The following RASSF1 variants were observed in gnomAD, a reference collection of about 807,000 sequenced individuals.
RASSF1 encodes the protein ras association domain-containing protein 1.
A neutral mutation model predicts 34.3 loss-of-function variants in RASSF1; 33 were observed. That is an observed-to-expected ratio of 0.96 (90% CI 0.73 to 1.29). The LOEUF (loss-of-function observed/expected upper bound fraction) is 1.29. Among genes scored for constraint, RASSF1 ranks in the 50% most tolerant of loss-of-function variants. The probability of loss-of-function intolerance (pLI) is 0.00; values close to 1 mark genes in which losing one functional copy is unlikely to be tolerated. For missense variants in RASSF1, 445 were observed against 471.8 expected, an observed-to-expected ratio of 0.94 and a Z score of 0.53; for synonymous variants, 191 against 195.0, an observed-to-expected ratio of 0.98 and a Z score of 0.17.
At chr3:50,340,018 G>T (rs879214603) in intron 1 of RASSF1, among the ~76,000 whole-genome samples, 1 of 152,204 alleles carries the variant, frequency 6.6e-6, no homozygotes, top group Admixed American at 6.5e-5. Context: ...ATTCCCAGGG[G>T]TGCAGAAGGA....
At position 50,337,218 on chromosome 3, in the gene RASSF1, G is replaced by A. The variant is rs147488817; in HGVS notation, c.357+687C>T. 5.7e-4 allele frequency: 915 copies of A among 1,613,012 alleles called. 4 individuals carry two copies. The African/African-American group carries it at 0.011, about 19-fold the overall frequency. On this transcript the variant is annotated intron_variant, in intron 2 of 5. Coordinates refer to ENST00000359365, the MANE Select transcript of RASSF1 (RefSeq NM_007182.5). ...GAGCTAGCGAGGTTCGCGCGGTGAA[G>A]TACTGCTCGAGCTCCGAGTCCGAGT...
chr3:50,337,025 C>T, intron 2 of RASSF1: 4 of 1,131,428 alleles, frequency 3.5e-6, no homozygotes, highest in Non-Finnish European at 4.8e-6. Context: ...CACGGTTCCG[C>T]GGGCAGGTCC....
chr3:50,337,236 G>T, intron 2 of RASSF1: 4 of 1,613,162 alleles, frequency 2.5e-6, no homozygotes, highest in Non-Finnish European at 3.4e-6. Context: ...CGAGCTCCGA[G>T]TCCGAGTCCT....
In RASSF1 at chr3:50,330,936, A is replaced by G. The variant is rs1702913843; in HGVS notation, c.877-209T>C. 1.3e-5 allele frequency among the ~76,000 whole-genome samples: 2 copies of G among 152,204 alleles called. No individual in the cohort carries two copies. ...ACAAAACGGTCACCTTACTGAGACA[A>G]CCAAGTCAGATGTTCCCCAATTACC... On this transcript the variant is annotated intron_variant, in intron 5 of 5. Transcript: ENST00000359365. This position sits in a 1 kb window ranked among gnomAD's most constrained non-coding sequence, Gnocchi z 4.5.
At chr3:50,333,171 G>T (rs1014130378) in intron 2 of RASSF1, among the ~76,000 whole-genome samples, 2 of 152,180 alleles carry the variant, frequency 1.3e-5, no homozygotes, top group Non-Finnish European at 2.9e-5. Flanking sequence ...TTGGAGTGAG[G>T]GTTTGTCCTG....
rs774882391 is a variant in RASSF1 at position 50,332,059 on chromosome 3, G to A, written c.453C>T (p.Phe151=). ...EYNAQINSNL[F]MSLNKDGSYT... is the part of the protein sequence containing the mutation. Reference sequence around the variant, plus strand: ...TGAGCAGTCAACTCACCAAGCTCATGAAGAGGTTGCTGTTGATCTGGGCAT... The same window carrying A: ...TGAGCAGTCAACTCACCAAGCTCATAAAGAGGTTGCTGTTGATCTGGGCAT... Residue 151 remains phenylalanine (F), a synonymous_variant, in exon 3 of 6, where the codon TTC becomes TTT. Coordinates refer to ENST00000359365, the MANE Select transcript of RASSF1 (RefSeq NM_007182.5). The A allele has an allele frequency of 2.5e-6, 4 of 1,614,092 alleles. No individual in the cohort carries two copies. Among genetic ancestry groups the A allele is most frequent in the Admixed American group, 3.3e-5 (2 of 60,020 alleles).
At position 50,330,486 on chromosome 3, in the gene RASSF1, A is replaced by G. The variant is rs1216414115; in HGVS notation, c.*95T>C. On this transcript the variant is annotated 3_prime_UTR_variant, in exon 6 of 6. Transcript: ENST00000359365. This position sits in a 1 kb window ranked among gnomAD's most constrained non-coding sequence, Gnocchi z 4.5. ...CCCCAGCACAGGAGGGCCTCCATGC[A>G]CACTCATTCCACAGGCCCCACTGGC... 3.3e-6 allele frequency: 5 copies of G among 1,508,134 alleles called. No homozygotes were observed. The Admixed American group carries it at 8.8e-5, about 27-fold the overall frequency. The allele number at this position is 1,508,134 out of a possible 1,614,324, so 93.4% of individuals were successfully genotyped here. A position where few individuals can be genotyped will look rare whatever the true frequency, so the allele number is the denominator to read the frequency against.
intron 2 of RASSF1, among the ~76,000 whole-genome samples, chr3:50,334,866 T>C (rs1050281097): frequency 3.9e-5 from 6 of 152,132 alleles, no homozygotes; most frequent in Non-Finnish European, 5.9e-5. Flanking sequence ...TCAACAGCCA[T>C]CCCAGTCGGA....
In RASSF1 at chr3:50,337,978, G is replaced by T; in HGVS notation, c.284C>A (p.Ala95Glu). ...CKFTCHYRCR[A>E]LVCLDCCGPR... is the part of the protein sequence containing the mutation. ...CCCGCAACAGTCCAGGCAGACGAGC[G>T]CGCGGCAGCGGTAGTGGCAGGTGAA... is the stretch of plus-strand genomic sequence containing the variant. Residue 95 changes from alanine (A) to glutamate (E), a missense_variant, in exon 2 of 6, where the codon GCG (alanine) becomes GAG (glutamate). By Grantham distance (107) the Ala-to-Glu change is moderately radical. Coordinates refer to ENST00000359365, the MANE Select transcript of RASSF1 (RefSeq NM_007182.5). 3.7e-6 allele frequency: 6 copies of T among 1,607,352 alleles called. No individual in the cohort carries two copies. Among genetic ancestry groups the T allele is most frequent in the Non-Finnish European group, 5.1e-6 (6 of 1,177,102 alleles).
chr3:50,337,686 C>A, intron 2 of RASSF1: 1 of 851,942 alleles, frequency 1.2e-6, no homozygotes, highest in Non-Finnish European at 1.8e-6. Context: ...GAGCCTGGGT[C>A]AGCCTGGGCC....
At chr3:50,333,709 AC>A in intron 2 of RASSF1, among the ~76,000 whole-genome samples, 1 of 152,230 alleles carries the variant, frequency 6.6e-6, no homozygotes, top group South Asian at 2.1e-4. Flanking sequence ...TGAACTCCTG[AC>A]CTCAAGTGAT....
intron 1 of RASSF1, among the ~76,000 whole-genome samples, chr3:50,339,283 T>C (rs1703274160): frequency 6.6e-6 from 1 of 152,112 alleles, no homozygotes; most frequent in Non-Finnish European, 1.5e-5. Context: ...CTGATAAACA[T>C]GCCCAAATCA....
intron 1 of RASSF1, among the ~76,000 whole-genome samples, chr3:50,340,160 C>G (rs587672686): frequency 5.3e-5 from 8 of 152,276 alleles, no homozygotes; most frequent in Admixed American, 2.0e-4. Flanking sequence ...TTTTTCCAGG[C>G]TCCCTCCCAT....
Position 50,331,673 on chromosome 3 carries a change from C to G in RASSF1, c.646G>C (p.Val216Leu). Residue 216 changes from valine (V) to leucine (L), a missense_variant, in exon 4 of 6, where the codon GTG becomes CTG. Val to Leu is a conservative substitution (Grantham distance 32). Transcript: ENST00000359365. ...TCACGTGCCCTTGTGCGTGACAGCA[C>G]ATGCAGGTGCTTGACAGCATCCTTG... ...LPKDAVKHLH[V>L]LSRTRAREVI... 6.2e-7 allele frequency: 1 copy of G among 1,613,178 alleles called. No homozygotes were observed. The highest frequency in any genetic ancestry group is 1.1e-5 in the South Asian group (1 of 91,078).
At chr3:50,339,725 G>A (rs1703295060) in intron 1 of RASSF1, among the ~76,000 whole-genome samples, 1 of 152,126 alleles carries the variant, frequency 6.6e-6, no homozygotes, top group Non-Finnish European at 1.5e-5. Context: ...CTGAATTTGT[G>A]ATGTCCTCTT....
chr3:50,334,968 G>A (rs1575543718), intron 2 of RASSF1, among the ~76,000 whole-genome samples: 1 of 148,970 alleles, frequency 6.7e-6, no homozygotes, highest in Non-Finnish European at 1.5e-5. Context: ...TTTTTTTTTT[G>A]AGACAGAGTC....
At position 50,331,842 on chromosome 3, in the gene RASSF1, A is replaced by C. The variant is rs1702957588; in HGVS notation, c.477T>G (p.Ser159=). The C allele has an allele frequency of 1.3e-6, 2 of 1,570,598 alleles. No individual in the cohort carries two copies. Among genetic ancestry groups the C allele is most frequent in the Non-Finnish European group, 8.7e-7 (1 of 1,154,400 alleles). ...GCTGAACCTTGATGAAGCCTGTGTA[A>C]GAACCGTCCTTGTTCTAAAGAAATA... ...NLFMSLNKDG[S]YTGFIKVQLK... The change falls in exon 4 of 6, where the codon TCT becomes TCG. Residue 159 remains serine, a synonymous_variant. Coordinates refer to ENST00000359365, the MANE Select transcript of RASSF1 (RefSeq NM_007182.5).
At chr3:50,340,111 A>G (rs1703307595) in intron 1 of RASSF1, among the ~76,000 whole-genome samples, 1 of 152,144 alleles carries the variant, frequency 6.6e-6, no homozygotes, top group Non-Finnish European at 1.5e-5. Context: ...AAGACTCAAC[A>G]AAACTCCTGC....
intron 2 of RASSF1, 112 bp from the exon 3 acceptor site, chr3:50,332,266 G>A: frequency 1.2e-6 from 1 of 830,024 alleles, no homozygotes; most frequent in East Asian, 2.6e-5. Context: ...CCCTGTCCCT[G>A]ATGTACATAT....
Sources: allele counts gnomAD v4.1 joint callset (sites outside exome capture counted in the v4.1 genomes callset), GRCh38; gene constraint gnomAD v4.1.1; non-coding constraint Gnocchi (gnomAD v3.1); transcripts MANE v1.5; gene names NCBI Gene and HGNC (gene_info 2026-07-23, HGNC 2026-07-21).